MYT1L: variants seen among roughly 807,000 people sequenced by gnomAD.
The protein encoded by MYT1L is myelin transcription factor 1 like, also known as myelin transcription factor 1-like protein.
MYT1L carries 12 observed loss-of-function variants against 126.7 expected under a neutral mutation model. The observed-to-expected ratio is 0.09, with a 90% CI of 0.06 to 0.15. The LOEUF is 0.15. Among genes scored for constraint, MYT1L ranks in the 10% least tolerant of loss-of-function variants. The pLI is 1.00. For synonymous variants in MYT1L, 541 were observed against 604.2 expected (o/e 0.90, Z 1.53); for missense variants, 979 against 1,585.2 (o/e 0.62, Z 6.49).
chr2:2,212,948 C>G (rs1022538088), intron 2 of MYT1L, among the ~76,000 whole-genome samples: 1 of 152,104 alleles, frequency 6.6e-6, no homozygotes, highest in Non-Finnish European at 1.5e-5. Context: ...ATCTGTCTTT[C>G]ATGAGGGGAA....
rs116807937 is a variant in MYT1L at position 2,059,585 on chromosome 2, A to G, written c.-303-5462T>C. On this transcript the variant is annotated intron_variant, in intron 3 of 24. Transcript: ENST00000647738. The surrounding 1 kb of genome is among the most constrained non-coding windows in gnomAD (Gnocchi z 4.7). The stretch of plus-strand genomic sequence containing the variant: ...TGCCAAAGGCCTTGCACCAAAGCAC[A>G]AACGGACGCAGGACTGCAGTTCGGC... 0.013 allele frequency among the ~76,000 whole-genome samples: 1,965 copies of G among 152,296 alleles called. 40 individuals carry two copies. Among genetic ancestry groups the G allele is most frequent in the African/African-American group, 0.045 (1,887 of 41,546 alleles).
chr2:1,956,639 GCTAT>G lies in MYT1L; in HGVS notation c.153-13309_153-13306del, dbSNP rs557469390. 4.0e-3 allele frequency among the ~76,000 whole-genome samples: 544 copies of G among 135,310 alleles called. 1 individual carries two copies. The highest frequency in any genetic ancestry group is 7.0e-3 in the Non-Finnish European group (436 of 62,664). The allele number at this position is 135,310 out of a possible 152,430, so 88.8% of individuals were successfully genotyped here. ...ATCTATCTACCTACCTACCTATCTAGCTATCTATTTATCTATCTATCATCTATCT... is the reference window on the plus strand; with the variant it reads ...ATCTATCTACCTACCTACCTATCTAGCTATTTATCTATCTATCATCTATCT... On this transcript the variant is annotated intron_variant, in intron 8 of 24. Transcript: ENST00000647738.
chr2:1,869,274 T>G (rs944554089), intron 18 of MYT1L, among the ~76,000 whole-genome samples: 1 of 152,044 alleles, frequency 6.6e-6, no homozygotes, highest in Non-Finnish European at 1.5e-5. Context: ...TGGACCTGGG[T>G]TGTGTTGTCC....
intron 1 of MYT1L, among the ~76,000 whole-genome samples, chr2:2,294,518 C>T (rs961060920): frequency 1.3e-5 from 2 of 152,072 alleles, no homozygotes; most frequent in Admixed American, 6.6e-5. Context: ...TCAGCTTAAG[C>T]CACTGAACAC....
chr2:2,078,438 T>C (rs1041116455), intron 3 of MYT1L, among the ~76,000 whole-genome samples: 1 of 152,146 alleles, frequency 6.6e-6, no homozygotes, highest in Non-Finnish European at 1.5e-5. Flanking sequence ...AAATGGTCTC[T>C]AGAAAACGCA....
At chr2:2,021,019 C>T (rs1191714717) in intron 4 of MYT1L, among the ~76,000 whole-genome samples, 1 of 152,172 alleles carries the variant, frequency 6.6e-6, no homozygotes, top group East Asian at 1.9e-4. Flanking sequence ...CAGGGTCCCT[C>T]TCTGCTTAGT....
At chr2:1,941,832 T>G (rs1459594780) in intron 9 of MYT1L, among the ~76,000 whole-genome samples, 1 of 152,178 alleles carries the variant, frequency 6.6e-6, no homozygotes, top group Non-Finnish European at 1.5e-5. Flanking sequence ...ATAGGAATCT[T>G]AAGCCACTGT....
At chr2:2,166,467 C>T (rs2089140383) in intron 3 of MYT1L, among the ~76,000 whole-genome samples, 10 of 152,192 alleles carry the variant, frequency 6.6e-5, no homozygotes, top group Admixed American at 6.6e-4. Context: ...GAAGGGGTGG[C>T]AATGCATGGG....
At chr2:2,016,452 G>C (rs994039525) in intron 4 of MYT1L, among the ~76,000 whole-genome samples, 5 of 152,180 alleles carry the variant, frequency 3.3e-5, no homozygotes, top group African/African-American at 4.8e-5. Flanking sequence ...CGAAACCCTA[G>C]CTCAAGAGTT....
chr2:2,005,663 C>A (rs1206741205), intron 4 of MYT1L, among the ~76,000 whole-genome samples: 7 of 150,768 alleles, frequency 4.6e-5, no homozygotes, highest in Non-Finnish European at 1.0e-4. Flanking sequence ...TGAATATGTT[C>A]TTTCCTGCAT....
intron 4 of MYT1L, among the ~76,000 whole-genome samples, chr2:2,029,203 C>T (rs577496431): frequency 6.6e-6 from 1 of 152,302 alleles, no homozygotes; most frequent in Non-Finnish European, 1.5e-5. Context: ...TAGTGAATGA[C>T]ATTCGTGACT....
At chr2:1,962,036 A>G (rs1229144190) in intron 8 of MYT1L, among the ~76,000 whole-genome samples, 1 of 152,248 alleles carries the variant, frequency 6.6e-6, no homozygotes, top group Admixed American at 6.5e-5. Flanking sequence ...CACGAATTAC[A>G]TGAATGTACT....
chr2:2,178,111 T>C (rs1472741988), intron 2 of MYT1L, among the ~76,000 whole-genome samples: 3 of 152,164 alleles, frequency 2.0e-5, no homozygotes, highest in Admixed American at 6.5e-5. Flanking sequence ...ATAATTTACT[T>C]GATTGCCAAA....
chr2:2,011,050 A>G (rs1193716741), intron 4 of MYT1L, among the ~76,000 whole-genome samples: 1 of 152,168 alleles, frequency 6.6e-6, no homozygotes, highest in Non-Finnish European at 1.5e-5. Flanking sequence ...TGTGTACAAT[A>G]ATAAACTCAA....
chr2:2,296,160 TG>T (rs1376897298), intron 1 of MYT1L, among the ~76,000 whole-genome samples: 1 of 152,186 alleles, frequency 6.6e-6, no homozygotes, highest in Non-Finnish European at 1.5e-5. Flanking sequence ...CCTGGGTGGT[TG>T]AGAAGCTTTG....
chr2:1,835,333 A>G (rs2040739026), intron 21 of MYT1L, among the ~76,000 whole-genome samples: 1 of 152,334 alleles, frequency 6.6e-6, no homozygotes, highest in East Asian at 1.9e-4. Flanking sequence ...CACAAGGCCT[A>G]GTTACACAAA....
chr2:2,237,042 G>A (rs778966417), intron 2 of MYT1L, among the ~76,000 whole-genome samples: 6 of 151,980 alleles, frequency 3.9e-5, no homozygotes, highest in Admixed American at 1.3e-4. Context: ...TCGAACTCCC[G>A]ACCTCAGGTG....
intron 2 of MYT1L, among the ~76,000 whole-genome samples, chr2:2,180,983 C>CTT (rs1559251037): frequency 8.1e-6 from 1 of 123,784 alleles, no homozygotes. Context: ...TGTGTGTGTA[C>CTT]CTGTGTGTGC....
intron 14 of MYT1L, among the ~76,000 whole-genome samples, chr2:1,893,508 C>T (rs955667796): frequency 1.3e-5 from 2 of 152,130 alleles, no homozygotes; most frequent in South Asian, 2.1e-4. Context: ...CCCGGGTTCT[C>T]CTGGTGCTTA....
Sources: gnomAD v4.1 joint callset for allele counts (sites outside exome capture counted in the v4.1 genomes callset) on GRCh38, gnomAD v4.1.1 for gene constraint, Gnocchi (gnomAD v3.1) non-coding constraint, MANE v1.5 for transcripts, NCBI Gene and HGNC (gene_info 2026-07-23, HGNC 2026-07-21) for gene names.